The following TMEM108 variants were observed in gnomAD, a reference collection of about 807,000 sequenced individuals.
The protein encoded by TMEM108 is cancer/testis antigen 124.
TMEM108 carries 12 observed loss-of-function variants against 35.1 expected under a neutral mutation model. That is an observed-to-expected ratio of 0.34 (90% CI 0.22 to 0.55). The LOEUF (loss-of-function observed/expected upper bound fraction) is 0.55. Among genes scored for constraint, TMEM108 ranks in the 20% least tolerant of loss-of-function variants. The pLI is 0.89. For missense variants in TMEM108, 680 were observed against 753.3 expected (o/e 0.90, Z 1.14); for synonymous variants, 287 against 308.6 (o/e 0.93, Z 0.73).
At chr3:133,311,146 C>T (rs1354635047) in intron 3 of TMEM108, among the ~76,000 whole-genome samples, 1 of 152,216 alleles carries the variant, frequency 6.6e-6, no homozygotes, top group African/African-American at 2.4e-5. Flanking sequence ...CTGCCCTTCA[C>T]ATTTTTTCCT....
At chr3:133,081,411 T>C (rs544981385) in intron 2 of TMEM108, among the ~76,000 whole-genome samples, 41 of 152,298 alleles carry the variant, frequency 2.7e-4, no homozygotes, top group South Asian at 8.3e-4. Flanking sequence ...CATAGGGGCC[T>C]CACCCTCATG....
At chr3:133,389,465 C>T (rs368658024) in intron 4 of TMEM108, 6 of 918,512 alleles carry the variant, frequency 6.5e-6, no homozygotes, top group African/African-American at 1.8e-5. Flanking sequence ...AGGCGGATTA[C>T]CTGAGGTCAG....
chr3:133,365,657 C>T (rs995538611), intron 3 of TMEM108, among the ~76,000 whole-genome samples: 1 of 152,210 alleles, frequency 6.6e-6, no homozygotes, highest in Admixed American at 6.5e-5. Context: ...TGTCTCCCCA[C>T]TTCCAAGCTT....
At chr3:133,133,100 G>A (rs1944512506) in intron 2 of TMEM108, among the ~76,000 whole-genome samples, 1 of 152,236 alleles carries the variant, frequency 6.6e-6, no homozygotes, top group Non-Finnish European at 1.5e-5. Flanking sequence ...TGAAGGTGCT[G>A]TGAACATTAT....
intron 2 of TMEM108, among the ~76,000 whole-genome samples, chr3:133,151,146 G>T (rs1040224744): frequency 6.6e-6 from 1 of 151,982 alleles, no homozygotes; most frequent in African/African-American, 2.4e-5. Flanking sequence ...AGGGGACCTT[G>T]CTAGGTGCTC....
chr3:133,269,691 A>G (rs776228585), intron 3 of TMEM108, among the ~76,000 whole-genome samples: 5 of 152,188 alleles, frequency 3.3e-5, no homozygotes, highest in Admixed American at 1.3e-4. Flanking sequence ...GGACTCTCAC[A>G]TGATATGAAG....
chr3:133,062,501 C>T (rs191285074), intron 2 of TMEM108, among the ~76,000 whole-genome samples: 1 of 152,292 alleles, frequency 6.6e-6, no homozygotes, highest in Admixed American at 6.5e-5. Flanking sequence ...ACATTCTCCT[C>T]TTTTATAGTC....
chr3:133,253,626 T>C (rs916203670), intron 3 of TMEM108, among the ~76,000 whole-genome samples: 4 of 152,208 alleles, frequency 2.6e-5, no homozygotes, highest in African/African-American at 7.2e-5. Context: ...TCAAATTCTT[T>C]AACTCTTTAG....
intron 2 of TMEM108, among the ~76,000 whole-genome samples, chr3:133,169,019 C>A (rs1456971021): frequency 6.6e-6 from 1 of 152,206 alleles, no homozygotes; most frequent in African/African-American, 2.4e-5. Flanking sequence ...TCAGAAGGAG[C>A]AAACTCCAGA....
rs541216181 is a variant in TMEM108 at position 133,344,474 on chromosome 3, A to T, written c.41-35278A>T. ...AGTAATAAATTCTGAATGCAAAGCA[A>T]AAAGATATATATCCTTCCAGACAAA... On this transcript the variant is annotated intron_variant, in intron 3 of 5. Transcript: ENST00000321871. Among the ~76,000 whole-genome samples the T allele has an allele frequency of 6.6e-5, 10 of 151,928 alleles. No individual in the cohort carries two copies. The South Asian group carries it at 2.1e-3, about 31-fold the overall frequency.
intron 2 of TMEM108, among the ~76,000 whole-genome samples, chr3:133,143,383 TTAAAG>T (rs1353663032): frequency 6.6e-6 from 1 of 152,084 alleles, no homozygotes; most frequent in African/African-American, 2.4e-5. Flanking sequence ...CCCCAGGATA[TTAAAG>T]TACAGTGCAT....
intron 2 of TMEM108, among the ~76,000 whole-genome samples, chr3:133,152,571 G>A (rs925565658): frequency 2.0e-5 from 3 of 151,998 alleles, no homozygotes; most frequent in African/African-American, 7.2e-5. Flanking sequence ...ATCTCCCCTG[G>A]GTTACCAGGG....
intron 3 of TMEM108, among the ~76,000 whole-genome samples, chr3:133,294,447 A>C (rs1281901414): frequency 3.3e-5 from 5 of 152,204 alleles, no homozygotes; most frequent in Non-Finnish European, 5.9e-5. Flanking sequence ...CCTCATGATG[A>C]CTCATCTCAG....
chr3:133,152,988 G>T (rs4854696), intron 2 of TMEM108, among the ~76,000 whole-genome samples: 1 of 151,270 alleles, frequency 6.6e-6, no homozygotes, highest in Non-Finnish European at 1.5e-5. Context: ...TTGTACTCAG[G>T]CCAAGATTTA....
At chr3:133,340,539 A>G (rs1168612661) in intron 3 of TMEM108, among the ~76,000 whole-genome samples, 2 of 151,848 alleles carry the variant, frequency 1.3e-5, no homozygotes, top group Non-Finnish European at 3.0e-5. Context: ...AAAATAGAGG[A>G]GAGAATACTT....
At chr3:133,149,651 A>G (rs991487337) in intron 2 of TMEM108, among the ~76,000 whole-genome samples, 12 of 152,138 alleles carry the variant, frequency 7.9e-5, no homozygotes, top group East Asian at 1.9e-4. Context: ...AGGTTCATCT[A>G]TGTTTCAGCG....
At chr3:133,230,981 A>G (rs936654321) in intron 3 of TMEM108, among the ~76,000 whole-genome samples, 3 of 152,184 alleles carry the variant, frequency 2.0e-5, no homozygotes, top group African/African-American at 7.2e-5. Context: ...CAGAATATGT[A>G]GTTTCCTGCT....
At chr3:133,298,150 T>G (rs978270465) in intron 3 of TMEM108, among the ~76,000 whole-genome samples, 35 of 152,138 alleles carry the variant, frequency 2.3e-4, no homozygotes, top group African/African-American at 7.2e-4. Flanking sequence ...TCTTCCTGGC[T>G]TCTGGCTGAT....
chr3:133,252,437 G>A (rs1424386086), intron 3 of TMEM108, among the ~76,000 whole-genome samples: 2 of 152,074 alleles, frequency 1.3e-5, no homozygotes, highest in Admixed American at 6.6e-5. Context: ...GAAAACAATA[G>A]CATTTTAATC....
Sources: gnomAD v4.1 joint callset for allele counts (sites outside exome capture counted in the v4.1 genomes callset) on GRCh38, gnomAD v4.1.1 for gene constraint, MANE v1.5 for transcripts, NCBI Gene and HGNC (gene_info 2026-07-23, HGNC 2026-07-21) for gene names.